Variants in PHF24 observed in about 807,000 individuals in gnomAD.
PHF24 encodes Galpha inhibitory interacting protein.
PHF24 carries 25 observed loss-of-function variants against 42.6 expected under a neutral mutation model. The ratio of observed to expected loss-of-function variants is 0.59; its 90% CI spans 0.43 to 0.82. PHF24 has a LOEUF of 0.82. Among genes scored for constraint, PHF24 ranks in the 40% least tolerant of loss-of-function variants. The probability of loss-of-function intolerance (pLI) is 0.00; values close to 1 mark genes in which losing one functional copy is unlikely to be tolerated. For synonymous variants in PHF24, 185 were observed against 204.8 expected (o/e 0.90, Z 0.83); for missense variants, 470 against 538.1 (o/e 0.87, Z 1.25).
At chr9:34,673,125 G>C in the PHF24 span, among the ~76,000 whole-genome samples, 1 of 152,190 alleles carries the variant, frequency 6.6e-6, no homozygotes. Context: ...GAAGGCCAAG[G>C]CGGACAGATC....
the PHF24 span, among the ~76,000 whole-genome samples, chr9:34,936,095 T>C: frequency 6.6e-6 from 1 of 150,670 alleles, no homozygotes; most frequent in African/African-American, 2.5e-5. Context: ...TCCCTCTCTT[T>C]CCACGGTCTC....
the PHF24 span, among the ~76,000 whole-genome samples, chr9:34,731,178 G>A: frequency 6.6e-6 from 1 of 151,792 alleles, no homozygotes. Flanking sequence ...ATATTTATGG[G>A]GTATGTGAGA....
chr9:34,981,879 T>G (rs1827404341), exon 8 of PHF24: 1 of 151,286 alleles, frequency 6.6e-6, no homozygotes, highest in Admixed American at 6.6e-5. Context: ...TCTCCTGGAG[T>G]GGGGGATATT....
chr9:34,686,024 A>G, the PHF24 span, among the ~76,000 whole-genome samples: 148 of 152,302 alleles, frequency 9.7e-4, no homozygotes, highest in African/African-American at 3.5e-3. Context: ...GCTGCAACAT[A>G]AGAATGGTAA....
chr9:34,709,949 A>T, the PHF24 span: 3 of 1,614,092 alleles, frequency 1.9e-6, no homozygotes, highest in South Asian at 3.3e-5. Context: ...GCTCCTATCC[A>T]GGCCTCTTGA....
chr9:34,745,730 G>GTACTAACAACA, the PHF24 span, among the ~76,000 whole-genome samples: 1 of 150,350 alleles, frequency 6.7e-6, no homozygotes, highest in African/African-American at 2.4e-5. Context: ...AACAAATAAT[G>GTACTAACAACA]AAGATGCATT....
the PHF24 span, among the ~76,000 whole-genome samples, chr9:34,761,004 A>AG: frequency 1.3e-5 from 2 of 151,632 alleles, no homozygotes; most frequent in East Asian, 3.9e-4. Flanking sequence ...AAAAAAAAAA[A>AG]AGTAATCTGC....
At chr9:34,799,220 A>G in the PHF24 span, among the ~76,000 whole-genome samples, 3 of 152,238 alleles carry the variant, frequency 2.0e-5, no homozygotes, top group Non-Finnish European at 4.4e-5. Flanking sequence ...TCCAGAAGGG[A>G]AAAAATAGGA....
chr9:34,741,569 T>C, the PHF24 span, among the ~76,000 whole-genome samples: 1 of 150,220 alleles, frequency 6.7e-6, no homozygotes, highest in Admixed American at 6.6e-5. Context: ...TCCATGTTGG[T>C]CAGGCTGGCC....
chr9:34,667,158 C>T, the PHF24 span, among the ~76,000 whole-genome samples: 1 of 152,208 alleles, frequency 6.6e-6, no homozygotes, highest in African/African-American at 2.4e-5. Context: ...ACATCCCAGT[C>T]AAGGCCCAGT....
chr9:34,977,542 G>A lies in PHF24; in HGVS notation c.1011-4G>A. 1 of 1,605,066 alleles carries A rather than the reference G, an allele frequency of 6.2e-7. No homozygotes were observed. On this transcript the variant is annotated splice_region_variant and splice_polypyrimidine_tract_variant and intron_variant, in intron 6 of 7. Coordinates refer to ENST00000242315, the Ensembl canonical transcript of PHF24. ...TCCTAACCACGTGTCCTCATGCCCAGCAGCATCAGCCATGTGGGTCCCATC... is the reference window on the plus strand; with the variant it reads ...TCCTAACCACGTGTCCTCATGCCCAACAGCATCAGCCATGTGGGTCCCATC...
the PHF24 span, among the ~76,000 whole-genome samples, chr9:34,735,564 G>C: frequency 6.6e-6 from 1 of 151,750 alleles, no homozygotes; most frequent in Non-Finnish European, 1.5e-5. Context: ...ACTTTGGGAG[G>C]CCTTGGCTGG....
the PHF24 span, among the ~76,000 whole-genome samples, chr9:34,676,393 G>C: frequency 2.0e-5 from 3 of 152,240 alleles, no homozygotes; most frequent in South Asian, 6.2e-4. Flanking sequence ...GCATGGTGGC[G>C]GGCCCCTGTA....
chr9:34,909,443 C>T, the PHF24 span, among the ~76,000 whole-genome samples: 1 of 151,906 alleles, frequency 6.6e-6, no homozygotes, highest in Non-Finnish European at 1.5e-5. Flanking sequence ...AACTGAGCCT[C>T]ATCTAGGCCA....
At chr9:34,922,510 TATC>T in the PHF24 span, 4 of 1,151,530 alleles carry the variant, frequency 3.5e-6, no homozygotes, top group Non-Finnish European at 5.3e-6. Context: ...GTCCCTTTCT[TATC>T]ATCACCAGCG....
chr9:34,776,276 A>G, the PHF24 span, among the ~76,000 whole-genome samples: 1 of 152,202 alleles, frequency 6.6e-6, no homozygotes, highest in Non-Finnish European at 1.5e-5. Context: ...TGGAGAAGTA[A>G]TCCAAGATTA....
chr9:34,780,461 A>G, the PHF24 span, among the ~76,000 whole-genome samples: 1 of 150,166 alleles, frequency 6.7e-6, no homozygotes, highest in Non-Finnish European at 1.5e-5. Flanking sequence ...TAATTTTTGT[A>G]TTTTGTAGAG....
intron 4 of PHF24, 36 bp downstream of exon 4, chr9:34,976,266 C>A: frequency 3.9e-6 from 6 of 1,537,724 alleles, no homozygotes; most frequent in Non-Finnish European, 5.4e-6. Context: ...TGGAGAGGGG[C>A]CGGGCAGATT....
At chr9:34,797,560 T>C in the PHF24 span, among the ~76,000 whole-genome samples, 1 of 152,146 alleles carries the variant, frequency 6.6e-6, no homozygotes, top group African/African-American at 2.4e-5. Flanking sequence ...AACTCTGCCT[T>C]ATTCCACCAG....
Sources: gnomAD v4.1 joint callset for allele counts (sites outside exome capture counted in the v4.1 genomes callset) on GRCh38, gnomAD v4.1.1 for gene constraint, MANE v1.5 for transcripts, NCBI Gene and HGNC (gene_info 2026-07-23, HGNC 2026-07-21) for gene names.